The following ADGRL3 variants were observed in gnomAD, a reference collection of about 807,000 sequenced individuals.
ADGRL3 encodes adhesion G protein-coupled receptor L3.
Under a neutral mutation model 153.5 loss-of-function variants are expected in ADGRL3, and 62 were observed. The ratio of observed to expected loss-of-function variants is 0.40; its 90% confidence interval spans 0.33 to 0.50. The LOEUF is 0.50. Among genes scored for constraint, ADGRL3 ranks in the 20% least tolerant of loss-of-function variants. ADGRL3 has a pLI of 0.47. For synonymous variants in ADGRL3, 710 were observed against 672.5 expected, an observed-to-expected ratio of 1.06 and a Z score of -0.86; for missense variants, 1,641 against 1,859.4, an observed-to-expected ratio of 0.88 and a Z score of 2.16.
chr4:61,769,153 A>G (rs1210316778), intron 8 of ADGRL3, among the ~76,000 whole-genome samples: 4 of 152,096 alleles, frequency 2.6e-5, no homozygotes, highest in Admixed American at 2.0e-4. Context: ...ACGTGAGTGT[A>G]TAATCAGAGA....
chr4:61,730,763 G>A (rs538634495), intron 7 of ADGRL3, 127 bp downstream of exon 7: 274 of 270,762 alleles, frequency 1.0e-3, no homozygotes, highest in Non-Finnish European at 1.6e-3. Flanking sequence ...TACTACTTCT[G>A]CTGCTCAACT....
At chr4:61,893,084 T>C in intron 10 of ADGRL3, 126 bp downstream of exon 10, 1 of 416,888 alleles carries the variant, frequency 2.4e-6, no homozygotes, top group Non-Finnish European at 4.0e-6. Flanking sequence ...CCTCCTTGTC[T>C]CTTTCTTTCT....
chr4:61,325,009 G>A (rs2095436701), intron 1 of ADGRL3, among the ~76,000 whole-genome samples: 1 of 152,042 alleles, frequency 6.6e-6, no homozygotes, highest in Non-Finnish European at 1.5e-5. Flanking sequence ...TTTACTAAGT[G>A]CATTGCTTAA....
chr4:61,712,492 C>G (rs2096014821), intron 6 of ADGRL3, among the ~76,000 whole-genome samples: 1 of 152,110 alleles, frequency 6.6e-6, no homozygotes, highest in African/African-American at 2.4e-5. Flanking sequence ...TTAGACCATT[C>G]AGTTCATTTA....
chr4:61,452,211 A>G (rs1202823992), intron 2 of ADGRL3, among the ~76,000 whole-genome samples: 1 of 152,074 alleles, frequency 6.6e-6, no homozygotes, highest in African/African-American at 2.4e-5. Context: ...GGGTCCCAAG[A>G]CACTCTCCAT....
At chr4:61,894,898 C>T (rs2098617760) in intron 10 of ADGRL3, among the ~76,000 whole-genome samples, 1 of 152,122 alleles carries the variant, frequency 6.6e-6, no homozygotes, top group Non-Finnish European at 1.5e-5. Context: ...GATTTTCCGG[C>T]ACCCACAAAT....
intron 9 of ADGRL3, among the ~76,000 whole-genome samples, chr4:61,831,169 G>A (rs924484043): frequency 6.6e-6 from 1 of 151,460 alleles, no homozygotes; most frequent in African/African-American, 2.4e-5. Context: ...GATTACAGGC[G>A]TGAGCCACCA....
intron 17 of ADGRL3, among the ~76,000 whole-genome samples, chr4:61,965,382 T>C (rs1560440303): frequency 6.6e-6 from 1 of 152,134 alleles, no homozygotes; most frequent in East Asian, 1.9e-4. Context: ...GGAATTAGGC[T>C]AGGTTTTCCA....
chr4:61,931,165 AT>A (rs2098815978), intron 13 of ADGRL3, among the ~76,000 whole-genome samples: 3 of 152,186 alleles, frequency 2.0e-5, no homozygotes, highest in Admixed American at 2.0e-4. Flanking sequence ...TAAAAAACTC[AT>A]TATGAACTAT....
intron 1 of ADGRL3, among the ~76,000 whole-genome samples, chr4:61,342,174 T>G (rs2095820128): frequency 6.6e-6 from 1 of 152,090 alleles, no homozygotes; most frequent in African/African-American, 2.4e-5. Context: ...TGCTGAGGGT[T>G]TTTTATGATT....
At chr4:61,796,518 G>A (rs574786980) in intron 8 of ADGRL3, among the ~76,000 whole-genome samples, 1 of 152,230 alleles carries the variant, frequency 6.6e-6, no homozygotes, top group South Asian at 2.1e-4. Flanking sequence ...AGATTCTGAG[G>A]GGATAGGGTT....
At chr4:61,996,490 A>G in intron 20 of ADGRL3, 133 bp downstream of exon 20, 1 of 646,932 alleles carries the variant, frequency 1.5e-6, no homozygotes, top group Non-Finnish European at 2.7e-6. Flanking sequence ...ACATAATTCA[A>G]GCAATTAAAC....
At chr4:61,824,914 G>A (rs1467046350) in intron 9 of ADGRL3, among the ~76,000 whole-genome samples, 2 of 152,076 alleles carry the variant, frequency 1.3e-5, no homozygotes, top group Non-Finnish European at 2.9e-5. Context: ...AGATCTTTTA[G>A]TAGGGGTTGG....
At chr4:61,516,169 G>A (rs1021821620) in intron 3 of ADGRL3, among the ~76,000 whole-genome samples, 8 of 151,852 alleles carry the variant, frequency 5.3e-5, no homozygotes, top group Admixed American at 3.3e-4. Context: ...TGTGTTTTGG[G>A]AGGGATATGT....
intron 2 of ADGRL3, among the ~76,000 whole-genome samples, chr4:61,491,957 C>T (rs746766815): frequency 1.3e-5 from 2 of 152,004 alleles, no homozygotes; most frequent in Non-Finnish European, 2.9e-5. Flanking sequence ...AGTGATAATT[C>T]TGAATGCTCC....
intron 6 of ADGRL3, among the ~76,000 whole-genome samples, chr4:61,698,980 T>A (rs1239597538): frequency 6.6e-6 from 1 of 152,222 alleles, no homozygotes; most frequent in African/African-American, 2.4e-5. Flanking sequence ...CTCTAGGGAC[T>A]TCCATTTATA....
chr4:61,571,220 A>C (rs977872972), intron 4 of ADGRL3, among the ~76,000 whole-genome samples: 3 of 152,006 alleles, frequency 2.0e-5, no homozygotes, highest in African/African-American at 7.2e-5. Context: ...CATGCTCATA[A>C]TCTCAGCACT....
At chr4:61,878,854 A>T (rs1035448900) in intron 9 of ADGRL3, among the ~76,000 whole-genome samples, 1 of 152,132 alleles carries the variant, frequency 6.6e-6, no homozygotes, top group African/African-American at 2.4e-5. Flanking sequence ...TATGCTTCCA[A>T]GGGCTAAGGT....
chr4:61,712,220 C>A lies in ADGRL3; in HGVS notation c.584-18402C>A, dbSNP rs546363341. On this transcript the variant is annotated intron_variant, in intron 6 of 26. Transcript: ENST00000683033. ...ACCAGTCTGGGCAACATATTGAGACCCTGTCTCTACAATAAATAAAAAATT... is the reference window on the plus strand; with the variant it reads ...ACCAGTCTGGGCAACATATTGAGACACTGTCTCTACAATAAATAAAAAATT... Among the ~76,000 whole-genome samples, 17 of 151,916 alleles carry A rather than the reference C, an allele frequency of 1.1e-4. No individual in the cohort carries two copies. The South Asian group carries it at 3.5e-3, about 32-fold the overall frequency.
Sources: gnomAD v4.1 joint callset for allele counts (sites outside exome capture counted in the v4.1 genomes callset) on GRCh38, gnomAD v4.1.1 for gene constraint, MANE v1.5 for transcripts, NCBI Gene and HGNC (gene_info 2026-07-23, HGNC 2026-07-21) for gene names.